GBE1: variants seen among roughly 807,000 people sequenced by gnomAD.
The protein encoded by GBE1 is 1,4-alpha-glucan-branching enzyme.
Under a neutral mutation model 88.8 loss-of-function variants are expected in GBE1, and 70 were observed. The ratio of observed to expected loss-of-function variants is 0.79; its 90% CI spans 0.65 to 0.96. GBE1 has a LOEUF of 0.96. Among genes scored for constraint, GBE1 ranks in the 40% least tolerant of loss-of-function variants. The pLI is 0.00. For missense variants in GBE1, 872 were observed against 871.0 expected (o/e 1.00, Z -0.01); for synonymous variants, 284 against 300.1 (o/e 0.95, Z 0.56).
intron 1 of GBE1, among the ~76,000 whole-genome samples, chr3:81,737,204 G>A (rs1437933107): frequency 1.3e-5 from 2 of 148,458 alleles, no homozygotes; most frequent in Non-Finnish European, 3.0e-5. Flanking sequence ...CAGAGAAATG[G>A]TCTGGGGTAT....
chr3:81,526,347 CAT>C (rs1702944285), intron 14 of GBE1, among the ~76,000 whole-genome samples: 1 of 152,014 alleles, frequency 6.6e-6, no homozygotes, highest in Non-Finnish European at 1.5e-5. Flanking sequence ...TCCTATTCAA[CAT>C]AGTGTTGGAA....
chr3:81,595,208 G>A lies in GBE1; in HGVS notation c.993-1185C>T, dbSNP rs578148282. Among the ~76,000 whole-genome samples the A allele has an allele frequency of 3.3e-5, 5 of 151,250 alleles. No individual in the cohort carries two copies. In the South Asian group the frequency reaches 1.0e-3, roughly 31 times the overall value. ...AGGAGGTTCAAGATTTTAAGGTTAA[G>A]CAACCTTGAAGGTAGTATTTGCTTA... is the stretch of plus-strand genomic sequence containing the variant. On this transcript the variant is annotated intron_variant, in intron 7 of 15. Transcript: ENST00000429644.
At chr3:81,491,691 C>A (rs1371069236) in intron 15 of GBE1, among the ~76,000 whole-genome samples, 1 of 151,864 alleles carries the variant, frequency 6.6e-6, no homozygotes, top group Non-Finnish European at 1.5e-5. Context: ...TTTTCAGTCA[C>A]TTTATCTCTA....
rs1020443779 is a variant in GBE1, at chr3:81,506,239, T to C, written c.1935-7012A>G. Reference sequence around the variant, plus strand: ...AAAAACAAACACACCAACAAAAAAGTAGGCAAAGGACATGAACAGACACTT... The same window carrying C: ...AAAAACAAACACACCAACAAAAAAGCAGGCAAAGGACATGAACAGACACTT... On this transcript the variant is annotated intron_variant, in intron 14 of 15. Transcript: ENST00000429644. 2.0e-5 allele frequency among the ~76,000 whole-genome samples: 3 copies of C among 151,986 alleles called. No individual in the cohort carries two copies. The East Asian group carries it at 5.8e-4, about 29-fold the overall frequency.
intron 3 of GBE1, 43 bp downstream of exon 3, chr3:81,670,795 A>G: frequency 9.3e-7 from 1 of 1,069,672 alleles, no homozygotes; most frequent in Non-Finnish European, 1.3e-6. Flanking sequence ...CAAGATAAAA[A>G]GAAAATGATA....
intron 7 of GBE1, among the ~76,000 whole-genome samples, chr3:81,613,820 T>A (rs1285955012): frequency 6.6e-6 from 1 of 152,188 alleles, no homozygotes; most frequent in East Asian, 1.9e-4. Context: ...TATGTTCTTG[T>A]TTATTTTTAA....
At chr3:81,746,176 T>TATATA (rs1450755869) in intron 1 of GBE1, among the ~76,000 whole-genome samples, 1 of 152,220 alleles carries the variant, frequency 6.6e-6, no homozygotes, top group Non-Finnish European at 1.5e-5. Context: ...TACTTCAATG[T>TATATA]ATATAAATAA....
chr3:81,711,241 C>T (rs192618994), intron 1 of GBE1, among the ~76,000 whole-genome samples: 22 of 152,288 alleles, frequency 1.4e-4, no homozygotes, highest in Admixed American at 1.1e-3. Flanking sequence ...AGGAAAACTC[C>T]TTTCTTAATA....
At chr3:81,512,492 G>A (rs1702739068) in intron 14 of GBE1, among the ~76,000 whole-genome samples, 1 of 151,744 alleles carries the variant, frequency 6.6e-6, no homozygotes, top group South Asian at 2.1e-4. Flanking sequence ...AAAACATTTA[G>A]TCAAAGGCAT....
intron 7 of GBE1, 127 bp downstream of exon 7, chr3:81,642,654 A>G: frequency 1.5e-6 from 1 of 663,868 alleles, no homozygotes; most frequent in South Asian, 1.8e-5. Context: ...CTGTACAACA[A>G]AAATAAATCC....
At chr3:81,574,418 C>A (rs1195248589) in intron 12 of GBE1, among the ~76,000 whole-genome samples, 1 of 152,102 alleles carries the variant, frequency 6.6e-6, no homozygotes, top group Non-Finnish European at 1.5e-5. Flanking sequence ...GAAGCAGGCA[C>A]CCACTTTATC....
intron 1 of GBE1, among the ~76,000 whole-genome samples, chr3:81,754,270 A>G (rs544485907): frequency 6.6e-6 from 1 of 152,162 alleles, no homozygotes; most frequent in Non-Finnish European, 1.5e-5. Context: ...AAAGATCTAT[A>G]CAAGGAAAAC....
intron 7 of GBE1, among the ~76,000 whole-genome samples, chr3:81,604,734 C>T (rs1268392560): frequency 6.6e-6 from 1 of 152,026 alleles, no homozygotes; most frequent in Non-Finnish European, 1.5e-5. Context: ...GATTATGATA[C>T]TTTTTGGAAA....
chr3:81,619,703 C>T (rs796666417), intron 7 of GBE1, among the ~76,000 whole-genome samples: 7 of 152,078 alleles, frequency 4.6e-5, no homozygotes, highest in African/African-American at 1.7e-4. Context: ...AAATTATCCT[C>T]TAGGTTGGAG....
Position 81,490,068 on chromosome 3 carries a change from C to T in GBE1, c.*339G>A, listed in dbSNP as rs1019393108. 22 of 240,910 alleles carry T rather than the reference C, an allele frequency of 9.1e-5. No individual in the cohort carries two copies. The highest frequency in any genetic ancestry group is 1.9e-4 in the African/African-American group (8 of 43,042). 14.9% of individuals were successfully genotyped at this position (240,910 alleles called of 1,614,324 possible). On this transcript the variant is annotated 3_prime_UTR_variant, in exon 16 of 16. Coordinates refer to ENST00000429644, the MANE Select transcript of GBE1 (RefSeq NM_000158.4). ...TGTACATTTAACAGAAATAATCATA[C>T]ATGACAAATGATTCAAATTTGAATT... is the stretch of plus-strand genomic sequence containing the variant.
chr3:81,646,239 G>A lies in GBE1; in HGVS notation c.782+153C>T, dbSNP rs73853455. 5.4e-3 allele frequency among the ~76,000 whole-genome samples: 826 copies of A among 152,274 alleles called. 2 individuals are homozygous for A. Among genetic ancestry groups the A allele is most frequent in the African/African-American group, 0.019 (790 of 41,556 alleles). ...ATTTCTAAGGCTGGAGGAGAAGAGA[G>A]TCTATGACCTTAGTAAAAGAAAATG... On this transcript the variant is annotated intron_variant, in intron 6 of 15. Coordinates refer to ENST00000429644, the MANE Select transcript of GBE1 (RefSeq NM_000158.4).
intron 14 of GBE1, among the ~76,000 whole-genome samples, chr3:81,499,610 T>TA (rs1471747614): frequency 2.0e-5 from 3 of 152,216 alleles, no homozygotes; most frequent in Non-Finnish European, 2.9e-5. Context: ...GTTCAACATG[T>TA]AGTCATCTTT....
intron 1 of GBE1, among the ~76,000 whole-genome samples, chr3:81,722,842 A>C (rs2107192568): frequency 6.7e-6 from 1 of 150,058 alleles, no homozygotes; most frequent in Admixed American, 6.7e-5. Flanking sequence ...CATTCAAAAA[A>C]TGTTTAGGCT....
intron 2 of GBE1, among the ~76,000 whole-genome samples, chr3:81,685,298 G>A (rs1010655646): frequency 1.4e-4 from 22 of 152,052 alleles, no homozygotes; most frequent in African/African-American, 3.9e-4. Flanking sequence ...CCTTCAGTCC[G>A]TGAGAAAGAC....
Sources: allele counts gnomAD v4.1 joint callset (sites outside exome capture counted in the v4.1 genomes callset), GRCh38; gene constraint gnomAD v4.1.1; transcripts MANE v1.5; gene names NCBI Gene and HGNC (gene_info 2026-07-23, HGNC 2026-07-21).